The following ELFN2 variants were observed in gnomAD, a reference collection of about 807,000 sequenced individuals.
The protein encoded by ELFN2 is protein phosphatase 1 regulatory subunit 29.
A neutral mutation model predicts 45.5 loss-of-function variants in ELFN2; 17 were observed. That is an observed-to-expected ratio of 0.37 (90% CI 0.26 to 0.56). The LOEUF (loss-of-function observed/expected upper bound fraction) is 0.56. Ranked by LOEUF, ELFN2 falls within the 20% of genes least tolerant of loss-of-function variation. The pLI is 0.77. For synonymous variants in ELFN2, 550 were observed against 551.5 expected (o/e 1.00, Z 0.04); for missense variants, 922 against 1,183.2 (o/e 0.78, Z 3.24).
intron 1 of ELFN2, among the ~76,000 whole-genome samples, chr22:37,349,562 G>GCAGCC (rs1188245084): frequency 6.6e-6 from 1 of 151,058 alleles, no homozygotes; most frequent in African/African-American, 2.4e-5. Context: ...GACCCCCTTT[G>GCAGCC]CAGCCCCTCC....
Position 37,396,077 on chromosome 22 carries a change from G to T in ELFN2, c.-462-20081C>A, listed in dbSNP as rs556903552. On this transcript the variant is annotated intron_variant, in intron 2 of 2. Coordinates refer to ENST00000402918, the MANE Select transcript of ELFN2 (RefSeq NM_052906.5). ...CCAGCTAACCAGACATTCCACATCC[G>T]ATGAGCACCTAGCCTAGGATTTCAG... Among the ~76,000 whole-genome samples, 22 of 152,312 alleles carry T rather than the reference G, an allele frequency of 1.4e-4. No homozygotes were observed. The South Asian group carries it at 4.3e-3, about 30-fold the overall frequency.
intron 1 of ELFN2, among the ~76,000 whole-genome samples, chr22:37,351,571 C>T (rs939359651): frequency 6.8e-6 from 1 of 146,892 alleles, no homozygotes; most frequent in Non-Finnish European, 1.5e-5. Context: ...CTTCCCCATG[C>T]TCCAGCGTCC....
chr22:37,408,018 C>T (rs557469884), intron 2 of ELFN2, among the ~76,000 whole-genome samples: 30 of 152,334 alleles, frequency 2.0e-4, no homozygotes, highest in African/African-American at 7.0e-4. Context: ...GCACACAGCG[C>T]GGGAGCTGGA....
chr22:37,387,643 T>G (rs1289566269), intron 2 of ELFN2, among the ~76,000 whole-genome samples: 1 of 152,076 alleles, frequency 6.6e-6, no homozygotes, highest in Non-Finnish European at 1.5e-5. Flanking sequence ...CCTGCCACCT[T>G]CTTCCTGGGC....
chr22:37,396,512 G>A (rs1412119729), intron 2 of ELFN2, among the ~76,000 whole-genome samples: 4 of 152,166 alleles, frequency 2.6e-5, no homozygotes, highest in African/African-American at 9.7e-5. Context: ...ACCCTCTGGG[G>A]CACTTTGAAG....
At chr22:37,391,513 G>C (rs1932086951) in intron 2 of ELFN2, among the ~76,000 whole-genome samples, 1 of 152,136 alleles carries the variant, frequency 6.6e-6, no homozygotes, top group Non-Finnish European at 1.5e-5. Context: ...CAGCCACACT[G>C]TCATGCCTGC....
chr22:37,379,546 G>A (rs1373259109), intron 2 of ELFN2, among the ~76,000 whole-genome samples: 1 of 152,180 alleles, frequency 6.6e-6, no homozygotes. Context: ...CTCTTTAAGG[G>A]GCACTCTCTC....
In ELFN2 at chr22:37,374,810, T is replaced by G. The variant is rs1301855399; in HGVS notation, c.725A>C (p.Gln242Pro). 6.2e-7 allele frequency: 1 copy of G among 1,607,078 alleles called. No homozygotes were observed. Among genetic ancestry groups the G allele is most frequent in the African/African-American group, 1.3e-5 (1 of 74,924 alleles). ...CAGCGAGCCATTCCGACACTTGGCC[T>G]GGAGTACGGTGATGGCGTTGAGGCT... The part of the protein sequence containing the change: ...YHSLNAITVL[Q>P]AKCRNGSLPA... The change falls in exon 3 of 3, where the codon CAG (glutamine) becomes CCG (proline). Residue 242 changes from glutamine to proline, a missense_variant. Around this residue, in one of 2 missense-constraint regions of ELFN2, gnomAD observed 358 missense variants for 540.4 expected, o/e 0.66. Transcript: ENST00000402918.
At chr22:37,394,074 GA>G (rs1437119904) in intron 2 of ELFN2, among the ~76,000 whole-genome samples, 1 of 152,182 alleles carries the variant, frequency 6.6e-6, no homozygotes, top group Non-Finnish European at 1.5e-5. Context: ...CAGATGCAGG[GA>G]TGGAGCCTTT....
chr22:37,400,372 CACACACCTGT>C (rs1932332242), intron 2 of ELFN2, among the ~76,000 whole-genome samples: 8 of 152,194 alleles, frequency 5.3e-5, no homozygotes, highest in African/African-American at 1.9e-4. Context: ...CCCGGAGGCC[CACACACCTGT>C]GCCTGAGGAG....
intron 2 of ELFN2, among the ~76,000 whole-genome samples, chr22:37,402,453 G>C (rs549689842): frequency 6.6e-6 from 1 of 152,320 alleles, no homozygotes; most frequent in Non-Finnish European, 1.5e-5. Context: ...CGGCCCCGGT[G>C]AGCGTCTGAG....
At chr22:37,390,889 C>T (rs1932070693) in intron 2 of ELFN2, among the ~76,000 whole-genome samples, 1 of 152,196 alleles carries the variant, frequency 6.6e-6, no homozygotes, top group African/African-American at 2.4e-5. Context: ...GCCCTGGAGG[C>T]CCAGGCAGAG....
At chr22:37,347,055 T>C (rs1421335984) in intron 1 of ELFN2, among the ~76,000 whole-genome samples, 2 of 152,126 alleles carry the variant, frequency 1.3e-5, no homozygotes, top group Non-Finnish European at 2.9e-5. Context: ...CTCAGCTCAC[T>C]GCAACCTCTG....
intron 1 of ELFN2, among the ~76,000 whole-genome samples, chr22:37,343,117 C>T (rs1369076990): frequency 5.9e-5 from 9 of 152,128 alleles, no homozygotes; most frequent in Admixed American, 4.6e-4. Flanking sequence ...TCAGAGGGAC[C>T]GGAACTTGCC....
chr22:37,346,744 ACAC>A (rs746069961), intron 1 of ELFN2, among the ~76,000 whole-genome samples: 1 of 152,086 alleles, frequency 6.6e-6, no homozygotes, highest in Non-Finnish European at 1.5e-5. Flanking sequence ...ACACATGTGC[ACAC>A]CACATGCAGC....
intron 1 of ELFN2, among the ~76,000 whole-genome samples, chr22:37,344,777 C>T (rs1278768169): frequency 6.6e-6 from 1 of 152,214 alleles, no homozygotes; most frequent in Admixed American, 6.5e-5. Context: ...CTGGCACCAC[C>T]ATGCGCATCC....
chr22:37,357,953 A>G (rs566120402), intron 1 of ELFN2, among the ~76,000 whole-genome samples: 9 of 152,286 alleles, frequency 5.9e-5, no homozygotes, highest in Non-Finnish European at 5.9e-5. Flanking sequence ...GAAGTCCCAC[A>G]GCCAACCTTC....
chr22:37,358,336 C>A (rs1428713578), intron 1 of ELFN2, among the ~76,000 whole-genome samples: 1 of 152,204 alleles, frequency 6.6e-6, no homozygotes, highest in African/African-American at 2.4e-5. Context: ...AACCTTTACT[C>A]AAGTGAGTTC....
intron 1 of ELFN2, 113 bp from the exon 2 acceptor site, chr22:37,418,032 C>T (rs908021469): frequency 6.6e-6 from 1 of 152,348 alleles, no homozygotes; most frequent in African/African-American, 2.4e-5. Context: ...GAAGGGTACA[C>T]TCACTTCTTT....
Sources: allele counts gnomAD v4.1 joint callset (sites outside exome capture counted in the v4.1 genomes callset), GRCh38; gene constraint gnomAD v4.1.1; regional missense constraint gnomAD v4.1.1; transcripts MANE v1.5; gene names NCBI Gene and HGNC (gene_info 2026-07-23, HGNC 2026-07-21).